The following NBEA variants were observed in gnomAD, a reference collection of about 807,000 sequenced individuals.
NBEA encodes lysosomal-trafficking regulator 2.
A neutral mutation model predicts 343.4 loss-of-function variants in NBEA; 44 were observed. The ratio of observed to expected loss-of-function variants is 0.13; its 90% CI spans 0.10 to 0.16. The LOEUF is 0.16. Among genes scored for constraint, NBEA ranks in the 10% least tolerant of loss-of-function variants. The pLI is 1.00. For missense variants in NBEA, 2,555 were observed against 3,631.3 expected, an observed-to-expected ratio of 0.70 and a Z score of 7.62; for synonymous variants, 1,175 against 1,238.7, an observed-to-expected ratio of 0.95 and a Z score of 1.08.
chr13:35,369,357 T>C (rs998458254), intron 38 of NBEA, among the ~76,000 whole-genome samples: 25 of 151,998 alleles, frequency 1.6e-4, no homozygotes, highest in African/African-American at 5.5e-4. Flanking sequence ...TAGGATTTGC[T>C]TAATCTATTC....
intron 31 of NBEA, among the ~76,000 whole-genome samples, chr13:35,197,456 G>A (rs1320349767): frequency 2.0e-5 from 3 of 151,976 alleles, no homozygotes; most frequent in African/African-American, 7.2e-5. Flanking sequence ...CTTGTTCTAA[G>A]TAACATTTTA....
chr13:35,463,759 A>C (rs1349520765), intron 40 of NBEA, among the ~76,000 whole-genome samples: 1 of 152,146 alleles, frequency 6.6e-6, no homozygotes, highest in East Asian at 1.9e-4. Flanking sequence ...AGAGAATAGG[A>C]GTGAGGAACT....
At chr13:35,606,865 G>T (rs1187577514) in intron 48 of NBEA, among the ~76,000 whole-genome samples, 1 of 152,050 alleles carries the variant, frequency 6.6e-6, no homozygotes, top group Admixed American at 6.6e-5. Context: ...CTAATATAAT[G>T]TATTCTAAAG....
chr13:35,587,018 C>A (rs936028625), intron 46 of NBEA, among the ~76,000 whole-genome samples: 11 of 151,880 alleles, frequency 7.2e-5, no homozygotes, highest in Non-Finnish European at 1.5e-4. Flanking sequence ...GACAAGAATA[C>A]AAAAAAACTA....
At chr13:35,665,040 C>T (rs1294075181) in intron 55 of NBEA, 45 bp from the exon 56 acceptor site, 1 of 1,283,534 alleles carries the variant, frequency 7.8e-7, no homozygotes, top group East Asian at 2.5e-5. Context: ...GCTCTCTCCC[C>T]CTGCTATTGG....
At chr13:35,109,493 T>C (rs2066078198) in intron 12 of NBEA, 51 bp downstream of exon 12, 2 of 1,447,354 alleles carry the variant, frequency 1.4e-6, no homozygotes, top group East Asian at 2.4e-5. Context: ...TTATACATTA[T>C]AGTTGCTGGA....
In NBEA at chr13:35,263,817, C is replaced by A. The variant is rs1170655787; in HGVS notation, c.5777-26572C>A. The stretch of plus-strand genomic sequence containing the variant: ...ATTTTACAGTAATAAATGCCTACAT[C>A]AAAAAAGAAGAAAGATCTCACACAA... On this transcript the variant is annotated intron_variant, in intron 34 of 58. Transcript: ENST00000379939. Among the ~76,000 whole-genome samples, 7 of 151,650 alleles carry A rather than the reference C, an allele frequency of 4.6e-5. 1 individual carries two copies. Among genetic ancestry groups the A allele is most frequent in the African/African-American group, 1.7e-4 (7 of 41,336 alleles).
intron 46 of NBEA, among the ~76,000 whole-genome samples, chr13:35,584,530 C>T (rs2081203592): frequency 6.7e-6 from 1 of 149,708 alleles, no homozygotes; most frequent in Non-Finnish European, 1.5e-5. Context: ...GACAGAGTCT[C>T]GCTCTGTTGC....
chr13:35,020,378 T>C (rs1465307865), intron 1 of NBEA, among the ~76,000 whole-genome samples: 1 of 152,216 alleles, frequency 6.6e-6, no homozygotes, highest in African/African-American at 2.4e-5. Context: ...TTAAATTTAT[T>C]GAGATTTCTT....
At chr13:34,981,601 T>C (rs576380613) in intron 1 of NBEA, among the ~76,000 whole-genome samples, 2 of 152,340 alleles carry the variant, frequency 1.3e-5, no homozygotes, top group African/African-American at 4.8e-5. Flanking sequence ...TAAGGATTTG[T>C]GTGTCTGTGT....
intron 10 of NBEA, among the ~76,000 whole-genome samples, chr13:35,086,885 C>G (rs1223688270): frequency 6.6e-6 from 1 of 151,922 alleles, no homozygotes; most frequent in African/African-American, 2.4e-5. Flanking sequence ...ATTTGCATTC[C>G]TCTTATGCTT....
intron 1 of NBEA, among the ~76,000 whole-genome samples, chr13:34,960,772 A>G (rs1445982194): frequency 2.0e-5 from 3 of 152,126 alleles, no homozygotes; most frequent in Non-Finnish European, 2.9e-5. Context: ...AGTTTGTCTA[A>G]GTACACTCTG....
chr13:35,147,629 G>A (rs2068517832), intron 18 of NBEA, among the ~76,000 whole-genome samples: 2 of 152,174 alleles, frequency 1.3e-5, no homozygotes, highest in African/African-American at 4.8e-5. Flanking sequence ...GGGTAAGAGG[G>A]AGAAGCTGTG....
intron 18 of NBEA, among the ~76,000 whole-genome samples, chr13:35,151,844 A>C (rs1273594089): frequency 6.6e-6 from 1 of 152,022 alleles, no homozygotes; most frequent in Non-Finnish European, 1.5e-5. Flanking sequence ...TTGTATCTTT[A>C]GTTTTGCTTT....
At chr13:35,084,129 A>T (rs1288064375) in intron 10 of NBEA, among the ~76,000 whole-genome samples, 1 of 152,156 alleles carries the variant, frequency 6.6e-6, no homozygotes, top group East Asian at 1.9e-4. Context: ...TAATAATGGG[A>T]GACTTTAACA....
rs954517281 is a variant in NBEA at position 35,234,363 on chromosome 13, C to T, written c.5776+1744C>T. On this transcript the variant is annotated intron_variant, in intron 34 of 58. Coordinates refer to ENST00000379939, the MANE Select transcript of NBEA (RefSeq NM_001385012.1). ...GGAAGCTTAAAAACTATTGCTTGGC[C>T]GCAGATTGTGTGTGTAATTTAAATA... 1.8e-4 allele frequency among the ~76,000 whole-genome samples: 27 copies of T among 152,024 alleles called. 1 individual carries two copies. Among genetic ancestry groups the T allele is most frequent in the African/African-American group, 6.0e-4 (25 of 41,388 alleles).
At chr13:35,650,644 G>A (rs1250299060) in intron 52 of NBEA, among the ~76,000 whole-genome samples, 1 of 152,200 alleles carries the variant, frequency 6.6e-6, no homozygotes, top group South Asian at 2.1e-4. Flanking sequence ...AGAGGTTGCA[G>A]TGAGCTGAGA....
At chr13:35,344,860 A>C (rs964074651) in intron 36 of NBEA, among the ~76,000 whole-genome samples, 3 of 152,114 alleles carry the variant, frequency 2.0e-5, no homozygotes, top group African/African-American at 7.2e-5. Context: ...AAACTCCTAG[A>C]GATCAGAAAC....
Position 35,117,559 on chromosome 13 carries a change from TAA to T in NBEA, c.2082+69_2082+70del, listed in dbSNP as rs1224924135. 7.2e-5 allele frequency: 53 copies of T among 736,018 alleles called. 1 individual carries two copies. The highest frequency in any genetic ancestry group is 9.9e-5 in the Non-Finnish European group (53 of 532,994). 45.6% of individuals were successfully genotyped at this position (736,018 alleles called of 1,614,324 possible). ...GTAGAAAGGAATTTCTGGCATGTTT[TAA>T]AATTATTAAATTAGTAATAGCTACC... On this transcript the variant is annotated intron_variant, in intron 14 of 58. Coordinates refer to ENST00000379939, the MANE Select transcript of NBEA (RefSeq NM_001385012.1).
Sources: gnomAD v4.1 joint callset for allele counts (sites outside exome capture counted in the v4.1 genomes callset) on GRCh38, gnomAD v4.1.1 for gene constraint, MANE v1.5 for transcripts, NCBI Gene and HGNC (gene_info 2026-07-23, HGNC 2026-07-21) for gene names.